The following KLK14 variants were observed in gnomAD, a reference collection of about 807,000 sequenced individuals.
KLK14 encodes the protein kallikrein-14.
Under a neutral mutation model 24.6 loss-of-function variants are expected in KLK14, and 21 were observed. The observed-to-expected ratio is 0.85, with a 90% CI of 0.61 to 1.23. The LOEUF (loss-of-function observed/expected upper bound fraction) is 1.23, where lower values mean the gene tolerates loss of function less well. Ranked by LOEUF, KLK14 falls within the 50% of genes most tolerant of loss-of-function variation. KLK14 has a pLI of 0.00. For missense variants in KLK14, 320 were observed against 338.9 expected (o/e 0.94, Z 0.44); for synonymous variants, 133 against 139.7 (o/e 0.95, Z 0.34).
Position 51,079,591 on chromosome 19 carries a change from G to T in KLK14, c.324C>A (p.His108Gln). The T allele has an allele frequency of 6.2e-7, 1 of 1,613,868 alleles. No homozygotes were observed. The highest frequency in any genetic ancestry group is 8.5e-7 in the Non-Finnish European group (1 of 1,179,946). ...GCTGCAGCAGCATGAGGTCGTTGTC[G>T]TGGGTCCGGGAGTTGTAGTTGGGGT... ...VTHPNYNSRT[H>Q]DNDLMLLQLQ... The change falls in exon 4 of 6, where the codon CAC becomes CAA. Residue 108 changes from histidine (H) to glutamine (Q), a missense_variant. Physicochemically the swap from His to Gln is conservative, Grantham distance 24 (BLOSUM62 0). Transcript: ENST00000650543.
upstream of KLK14, among the ~76,000 whole-genome samples, chr19:51,083,198 G>A (rs777695278): frequency 6.6e-6 from 1 of 151,442 alleles, no homozygotes; most frequent in Non-Finnish European, 1.5e-5. Context: ...AAACCAGGGT[G>A]GGGAGTGTCA....
intron 4 of KLK14, 42 bp downstream of exon 4, chr19:51,079,407 C>T: frequency 1.2e-5 from 19 of 1,554,944 alleles, no homozygotes; most frequent in Non-Finnish European, 1.7e-5. Flanking sequence ...ACCCAGGAGC[C>T]CAGGCCCAGT....
In KLK14 at chr19:51,081,834, T is replaced by G. The variant is rs2569492; in HGVS notation, c.41-131A>C. 19,616 of 812,118 alleles carry G rather than the reference T, an allele frequency of 0.024. 2,895 individuals carry two copies. The African/African-American group carries it at 0.32, about 13-fold the overall frequency. 50.3% of individuals were successfully genotyped at this position (812,118 alleles called of 1,614,324 possible). A position where few individuals can be genotyped will look rare whatever the true frequency, so the allele number is the denominator to read the frequency against. ...CCCCTAAACTGCCCGCCTCTATCTG[T>G]CCCACCCAGGGTGAGACATGCCCAA... On this transcript the variant is annotated intron_variant, in intron 2 of 5. Coordinates refer to ENST00000650543, the MANE Select transcript of KLK14 (RefSeq NM_001369775.2).
upstream of KLK14, among the ~76,000 whole-genome samples, chr19:51,083,190 AC>A (rs539015598): frequency 4.0e-5 from 6 of 151,372 alleles, no homozygotes; most frequent in South Asian, 6.3e-4. Flanking sequence ...GAGTCAGGAA[AC>A]CAGGGTGGGG....
rs547828684 is a variant in KLK14 at position 51,079,865 on chromosome 19, A to G, written c.213-163T>C. ...TTCTTGGCCTCCTGTGCCCTTCCCC[A>G]TGGCCAGGGCATTCTCTCGGCCCAG... On this transcript the variant is annotated intron_variant, in intron 3 of 5. Coordinates refer to ENST00000650543, the MANE Select transcript of KLK14 (RefSeq NM_001369775.2). Among the ~76,000 whole-genome samples the G allele has an allele frequency of 4.1e-3, 618 of 151,924 alleles. 2 individuals are homozygous for G. Among genetic ancestry groups the G allele is most frequent in the Middle Eastern group, 0.024 (7 of 294 alleles).
At position 51,082,582 on chromosome 19, in the gene KLK14, C is replaced by T. The variant is rs1285460201; in HGVS notation, c.33G>A (p.Leu11=). ...ACCCAACCGTTCTCTTACCTATAGC[C>T]AGGACTTGAAGTGCTGTCAGCAGGA... MFLLLTALQV[L]AIAMTQSQED... Residue 11 remains leucine, a synonymous_variant, in exon 2 of 6, where the codon CTG becomes CTA. Coordinates refer to ENST00000650543, the MANE Select transcript of KLK14 (RefSeq NM_001369775.2). The T allele has an allele frequency of 1.2e-6, 2 of 1,613,912 alleles. No individual in the cohort carries two copies. Among genetic ancestry groups the T allele is most frequent in the Admixed American group, 1.7e-5 (1 of 60,002 alleles).
At chr19:51,080,675 T>TATTG (rs2091834107) in intron 3 of KLK14, among the ~76,000 whole-genome samples, 1 of 152,138 alleles carries the variant, frequency 6.6e-6, no homozygotes, top group Non-Finnish European at 1.5e-5. Context: ...TTCTGGGATT[T>TATTG]ATTGATTGAT....
At chr19:51,081,752 C>T (rs1288961062) in intron 2 of KLK14, 49 bp from the exon 3 acceptor site, 5 of 1,432,390 alleles carry the variant, frequency 3.5e-6, no homozygotes, top group Non-Finnish European at 4.7e-6. Context: ...CAAACACTCT[C>T]CACTCCACAA....
At chr19:51,079,421 C>CT (rs769436543) in intron 4 of KLK14, 28 bp downstream of exon 4, 3 of 1,584,342 alleles carry the variant, frequency 1.9e-6, no homozygotes, top group Non-Finnish European at 2.6e-6. Flanking sequence ...GCCCAGTCCC[C>CT]TGCTTTCCAA....
chr19:51,083,566 G>A (rs569272845), upstream of KLK14, among the ~76,000 whole-genome samples: 20 of 151,930 alleles, frequency 1.3e-4, no homozygotes, highest in Admixed American at 1.1e-3. Flanking sequence ...CCAGGAATAC[G>A]AGCACAGAGG....
intron 2 of KLK14, among the ~76,000 whole-genome samples, chr19:51,081,976 C>T (rs73596505): frequency 0.011 from 1,686 of 152,146 alleles, 32 homozygotes; most frequent in African/African-American, 0.039. Flanking sequence ...GCTACATCTA[C>T]GACCCTTAGC....
chr19:51,081,841 C>T, intron 2 of KLK14, 138 bp from the exon 3 acceptor site: 1 of 742,992 alleles, frequency 1.3e-6, no homozygotes, highest in Non-Finnish European at 2.1e-6. Context: ...CTGTCCCACC[C>T]AGGGTGAGAC....
intron 4 of KLK14, 54 bp from the exon 5 acceptor site, chr19:51,079,005 G>A (rs2091820382): frequency 1.3e-6 from 2 of 1,594,804 alleles, no homozygotes; most frequent in South Asian, 1.1e-5. Context: ...AGACCCAAGG[G>A]TCCAGGCCCC....
chr19:51,079,270 G>A (rs577754334), intron 4 of KLK14, among the ~76,000 whole-genome samples, 179 bp downstream of exon 4: 2 of 141,254 alleles, frequency 1.4e-5, no homozygotes, highest in African/African-American at 2.7e-5. Context: ...TCCAGGCCCA[G>A]CTCCTCCTCC....
In KLK14 at chr19:51,078,814, C is replaced by T; in HGVS notation, c.603+1G>A. 1.9e-6 allele frequency: 3 copies of T among 1,613,442 alleles called. No individual in the cohort carries two copies. The highest frequency in any genetic ancestry group is 1.1e-5 in the South Asian group (1 of 91,004). On this transcript the variant is annotated splice_donor_variant, in intron 5 of 5. Transcript: ENST00000650543. LOFTEE classifies it high-confidence loss of function. This position sits in a 1 kb window ranked among gnomAD's most constrained non-coding sequence, Gnocchi z 5.0. ...ACCACAGCTCCCATCCTGGGCCTTACCTGACAAGAGTCCTTCCCGCCCTGG... is the reference window on the plus strand; with the variant it reads ...ACCACAGCTCCCATCCTGGGCCTTATCTGACAAGAGTCCTTCCCGCCCTGG...
chr19:51,078,795 G>A lies in KLK14; in HGVS notation c.603+20C>T, dbSNP rs1450305329. 1.1e-5 allele frequency: 17 copies of A among 1,611,796 alleles called. No homozygotes were observed. In the Admixed American group the frequency reaches 2.5e-4, roughly 24 times the overall value. ...CCAGTCCCAAATAATCCCTACCACA[G>A]CTCCCATCCTGGGCCTTACCTGACA... On this transcript the variant is annotated intron_variant, in intron 5 of 5. Transcript: ENST00000650543. The surrounding 1 kb of genome is among the most constrained non-coding windows in gnomAD (Gnocchi z 5.0).
Position 51,082,599 on chromosome 19 carries a change from T to A in KLK14, c.16A>T (p.Thr6Ser), listed in dbSNP as rs1172757206. 5 of 1,614,050 alleles carry A rather than the reference T, an allele frequency of 3.1e-6. No individual in the cohort carries two copies. In the South Asian group the frequency reaches 5.5e-5, roughly 18 times the overall value. The part of the protein sequence containing the change: MFLLL[T>S]ALQVLAIAMT... ...CCTATAGCCAGGACTTGAAGTGCTG[T>A]CAGCAGGAGGAACATTTTAGGGGCT... The change falls in exon 2 of 6, where the codon ACA (threonine) becomes TCA (serine). Residue 6 changes from threonine (T) to serine (S), a missense_variant. Thr to Ser is a moderately conservative substitution (Grantham distance 58). Transcript: ENST00000650543.
At chr19:51,081,887 G>A (rs551588619) in intron 2 of KLK14, among the ~76,000 whole-genome samples, 184 bp from the exon 3 acceptor site, 2 of 152,202 alleles carry the variant, frequency 1.3e-5, no homozygotes, top group African/African-American at 4.8e-5. Context: ...CCCCAGCACG[G>A]AGAGCTTTCT....
Position 51,078,738 on chromosome 19 carries a change from C to A in KLK14, c.603+77G>T. The A allele has an allele frequency of 1.3e-6, 2 of 1,563,122 alleles. No individual in the cohort carries two copies. The highest frequency in any genetic ancestry group is 2.2e-5 in the East Asian group (1 of 44,462). On this transcript the variant is annotated intron_variant, in intron 5 of 5. Coordinates refer to ENST00000650543, the MANE Select transcript of KLK14 (RefSeq NM_001369775.2). This position sits in a 1 kb window ranked among gnomAD's most constrained non-coding sequence, Gnocchi z 5.0. ...ACTCTCTTCTGAAGACCTCTGCAGACTTCCATGCTCCTGACATCATTTGCT... is the reference window on the plus strand; with the variant it reads ...ACTCTCTTCTGAAGACCTCTGCAGAATTCCATGCTCCTGACATCATTTGCT...
Sources: allele counts gnomAD v4.1 joint callset (sites outside exome capture counted in the v4.1 genomes callset), GRCh38; gene constraint gnomAD v4.1.1; non-coding constraint Gnocchi (gnomAD v3.1); transcripts MANE v1.5; gene names NCBI Gene and HGNC (gene_info 2026-07-23, HGNC 2026-07-21).